The following VMA12 variants were observed in gnomAD, a reference collection of about 807,000 sequenced individuals.
VMA12 encodes vacuolar ATPase assembly factor VMA12.
chr17:28,360,516 T>G, the VMA12 span: 3 of 1,613,970 alleles, frequency 1.9e-6, no homozygotes, highest in Non-Finnish European at 2.5e-6. Context: ...CATCTTCTTT[T>G]TCTTTTTCCC....
the VMA12 span, chr17:28,360,431 G>GTT: frequency 9.1e-7 from 1 of 1,100,328 alleles, no homozygotes; most frequent in Non-Finnish European, 1.3e-6. Flanking sequence ...GGAGGGCAGA[G>GTT]TTAATATGTT....
the VMA12 span, chr17:28,359,275 C>T: frequency 8.1e-6 from 13 of 1,603,650 alleles, no homozygotes; most frequent in African/African-American, 1.3e-5. Flanking sequence ...TTCTAACAAG[C>T]TGGGAATATC....
At chr17:28,358,614 G>A in the VMA12 span, 1 of 486,330 alleles carries the variant, frequency 2.1e-6, no homozygotes, top group South Asian at 1.7e-5. Flanking sequence ...AACTTATTTA[G>A]GGAAGAGCTG....
chr17:28,360,484 C>T, the VMA12 span: 2 of 1,594,654 alleles, frequency 1.3e-6, no homozygotes, highest in Non-Finnish European at 1.7e-6. Context: ...TGGATGCTCT[C>T]TGAGCTGCTT....
At chr17:28,361,182 C>A in the VMA12 span, 13 of 1,613,966 alleles carry the variant, frequency 8.1e-6, no homozygotes, top group African/African-American at 1.3e-5. Flanking sequence ...TTGATCGTCG[C>A]CTCTGTGGTG....
At chr17:28,361,291 G>A in the VMA12 span, 2 of 1,589,170 alleles carry the variant, frequency 1.3e-6, no homozygotes, top group African/African-American at 1.3e-5. Flanking sequence ...GACTTTGGGG[G>A]CTTCAGGCTC....
At chr17:28,361,502 C>T in the VMA12 span, 14 of 473,996 alleles carry the variant, frequency 3.0e-5, no homozygotes, top group Non-Finnish European at 4.2e-5. Context: ...GTACCTCTTC[C>T]TGAATCTGGT....
At chr17:28,357,762 G>A in the VMA12 span, 3 of 1,613,460 alleles carry the variant, frequency 1.9e-6, no homozygotes, top group Non-Finnish European at 2.5e-6. Context: ...CGAAAGCTGC[G>A]GGCCGAGCTT....
At chr17:28,360,846 C>T in the VMA12 span, 443 of 1,613,114 alleles carry the variant, frequency 2.7e-4, no homozygotes, top group Non-Finnish European at 3.4e-4. Flanking sequence ...GAAATGGCCT[C>T]GGTGAGTAGG....
At chr17:28,363,165 C>G in the VMA12 span, 1 of 152,206 alleles carries the variant, frequency 6.6e-6, no homozygotes, top group African/African-American at 2.4e-5. Flanking sequence ...ACAGTTACAT[C>G]GCAAAGTCAG....
the VMA12 span, chr17:28,358,309 T>C: frequency 2.3e-6 from 1 of 434,014 alleles, no homozygotes; most frequent in South Asian, 1.6e-5. Flanking sequence ...GTTTTTTTAA[T>C]ATAGGATGGC....
At chr17:28,359,369 G>A in the VMA12 span, 2 of 1,614,066 alleles carry the variant, frequency 1.2e-6, no homozygotes, top group Non-Finnish European at 1.7e-6. Flanking sequence ...GGCCAATGAG[G>A]AATATAAACG....
chr17:28,360,803 T>C, the VMA12 span: 1 of 1,613,926 alleles, frequency 6.2e-7, no homozygotes, highest in Non-Finnish European at 8.5e-7. Flanking sequence ...TGCCTTCGTC[T>C]GCACTTACCT....
chr17:28,361,262 C>T, the VMA12 span: 4 of 1,613,568 alleles, frequency 2.5e-6, no homozygotes, highest in Non-Finnish European at 3.4e-6. Flanking sequence ...ACTGGTGCTT[C>T]ATCATCAAGT....
the VMA12 span, chr17:28,359,551 A>T: frequency 1.6e-6 from 1 of 641,306 alleles, no homozygotes; most frequent in Non-Finnish European, 2.6e-6. Context: ...CAAACAACAC[A>T]GTTCCCATCT....
At chr17:28,358,344 C>T in the VMA12 span, 1 of 465,720 alleles carries the variant, frequency 2.1e-6, no homozygotes, top group South Asian at 1.6e-5. Context: ...AAGATCTGGC[C>T]TGAGAGTAGC....
the VMA12 span, chr17:28,360,507 ATCT>A: frequency 5.3e-5 from 86 of 1,613,470 alleles, no homozygotes; most frequent in South Asian, 2.0e-4. Flanking sequence ...ATTCTGAATC[ATCT>A]TCTTTTTCTT....
chr17:28,359,586 A>G, the VMA12 span: 2 of 522,674 alleles, frequency 3.8e-6, no homozygotes, highest in Non-Finnish European at 6.6e-6. Flanking sequence ...CTGGGCTGAG[A>G]TGGTGACCAA....
the VMA12 span, chr17:28,357,852 G>A: frequency 6.2e-7 from 1 of 1,614,024 alleles, no homozygotes; most frequent in Non-Finnish European, 8.5e-7. Flanking sequence ...CGTCTCATCC[G>A]GGATCTGCAC....
Sources: gnomAD v4.1 joint callset for allele counts on GRCh38, gnomAD v4.1.1 for gene constraint, MANE v1.5 for transcripts, NCBI Gene and HGNC (gene_info 2026-07-23, HGNC 2026-07-21) for gene names.